Variants in CDH18 observed in about 807,000 individuals in gnomAD.
CDH18 encodes cadherin-18.
CDH18 carries 31 observed loss-of-function variants against 67.9 expected under a neutral mutation model. The ratio of observed to expected loss-of-function variants is 0.46; its 90% confidence interval spans 0.34 to 0.62. CDH18 has a LOEUF of 0.62. Ranked by LOEUF, CDH18 falls within the 20% of genes least tolerant of loss-of-function variation. CDH18 has a pLI of 0.01. For synonymous variants in CDH18, 362 were observed against 347.2 expected (o/e 1.04, Z -0.48); for missense variants, 890 against 975.5 (o/e 0.91, Z 1.17).
intron 2 of CDH18, among the ~76,000 whole-genome samples, chr5:20,210,060 T>G (rs1000071743): frequency 6.6e-6 from 1 of 151,588 alleles, no homozygotes; most frequent in African/African-American, 2.4e-5. Context: ...ATTTGTATTA[T>G]TTTTTAACTT....
intron 3 of CDH18, among the ~76,000 whole-genome samples, chr5:19,796,749 C>T (rs1046770373): frequency 2.6e-5 from 4 of 152,000 alleles, no homozygotes; most frequent in Admixed American, 2.0e-4. Flanking sequence ...ATATCCAAGG[C>T]GATAAGTGAA....
At chr5:20,474,748 G>T (rs925345018) in intron 1 of CDH18, among the ~76,000 whole-genome samples, 1 of 152,180 alleles carries the variant, frequency 6.6e-6, no homozygotes, top group Non-Finnish European at 1.5e-5. Flanking sequence ...ATTTATTGGG[G>T]GTCAGTGTTT....
intron 6 of CDH18, among the ~76,000 whole-genome samples, chr5:19,609,081 C>G (rs1748543096): frequency 2.0e-5 from 3 of 151,726 alleles, no homozygotes; most frequent in Admixed American, 2.0e-4. Context: ...CAACCATAAC[C>G]CAGAATAAAG....
chr5:20,557,976 A>ATGTTAT lies in CDH18; in HGVS notation c.-580+17480_-580+17485dup, dbSNP rs1353123406. Among the ~76,000 whole-genome samples the ATGTTAT allele has an allele frequency of 5.4e-5, 3 of 55,630 alleles. 1 individual carries two copies. The highest frequency in any genetic ancestry group is 1.5e-4 in the Non-Finnish European group (3 of 19,670). The allele number at this position is 55,630 out of a possible 152,430, so 36.5% of individuals were successfully genotyped here. A position where few individuals can be genotyped will look rare whatever the true frequency, so the allele number is the denominator to read the frequency against. ...TAATGTTATAGTTATATAACATTAAATGTTATAGTTATATAACATTAAATG... is the reference window on the plus strand; with the variant it reads ...TAATGTTATAGTTATATAACATTAAATGTTATTGTTATAGTTATATAACATTAAATG... On this transcript the variant is annotated intron_variant, in intron 1 of 14. Coordinates refer to the CDH18 transcript ENST00000507958.
intron 1 of CDH18, among the ~76,000 whole-genome samples, chr5:19,985,879 T>C (rs927581605): frequency 3.3e-5 from 5 of 152,174 alleles, no homozygotes; most frequent in African/African-American, 1.2e-4. Context: ...ATAAGTTCAA[T>C]ATGTTTTATC....
chr5:19,983,647 T>C (rs1423307862), intron 1 of CDH18, among the ~76,000 whole-genome samples: 7 of 152,180 alleles, frequency 4.6e-5, no homozygotes, highest in Admixed American at 3.3e-4. Flanking sequence ...CTTTCTAGTA[T>C]CCACAAAAGC....
At chr5:19,675,722 C>T (rs1452043989) in intron 5 of CDH18, among the ~76,000 whole-genome samples, 1 of 151,990 alleles carries the variant, frequency 6.6e-6, no homozygotes, top group Non-Finnish European at 1.5e-5. Flanking sequence ...CATTCATCCT[C>T]AGCTTACGAA....
intron 1 of CDH18, among the ~76,000 whole-genome samples, chr5:20,513,227 C>T (rs959817383): frequency 5.9e-5 from 9 of 152,084 alleles, no homozygotes; most frequent in African/African-American, 2.2e-4. Context: ...TGTGAAGATT[C>T]CCAGGGCTTA....
chr5:19,829,447 G>T (rs563908678), intron 3 of CDH18, among the ~76,000 whole-genome samples: 1 of 152,066 alleles, frequency 6.6e-6, no homozygotes, highest in Non-Finnish European at 1.5e-5. Context: ...AAACAATAAT[G>T]CAATTTCATT....
chr5:20,218,449 T>G (rs1173300463), intron 2 of CDH18, among the ~76,000 whole-genome samples: 3 of 151,814 alleles, frequency 2.0e-5, no homozygotes, highest in Non-Finnish European at 4.4e-5. Context: ...AGAAGAAAAT[T>G]TAAAAGTATA....
intron 3 of CDH18, among the ~76,000 whole-genome samples, chr5:19,809,177 A>G (rs112831005): frequency 5.5e-4 from 84 of 152,278 alleles, no homozygotes; most frequent in African/African-American, 1.9e-3. Flanking sequence ...AATACAATAC[A>G]AGCAATCTAG....
chr5:20,132,730 A>T (rs2126482399), intron 2 of CDH18, among the ~76,000 whole-genome samples: 1 of 152,130 alleles, frequency 6.6e-6, no homozygotes, highest in Non-Finnish European at 1.5e-5. Context: ...AGTGTAGGTC[A>T]TTCCAGAATA....
chr5:20,252,787 A>G (rs1485633015), intron 2 of CDH18, among the ~76,000 whole-genome samples: 4 of 151,854 alleles, frequency 2.6e-5, no homozygotes, highest in Non-Finnish European at 5.9e-5. Context: ...ATTACAAAAC[A>G]TTAGCCGGGC....
chr5:20,371,087 A>G (rs1742962859), intron 1 of CDH18, among the ~76,000 whole-genome samples: 1 of 152,032 alleles, frequency 6.6e-6, no homozygotes, highest in Admixed American at 6.6e-5. Context: ...ATAGTTGTCA[A>G]CATGAAAGTG....
intron 1 of CDH18, among the ~76,000 whole-genome samples, chr5:20,499,432 AT>A (rs1272213308): frequency 6.6e-6 from 1 of 151,970 alleles, no homozygotes. Flanking sequence ...TTCAAGGTTG[AT>A]TGAATCTGCA....
intron 1 of CDH18, among the ~76,000 whole-genome samples, chr5:20,533,299 C>T (rs1756526346): frequency 1.3e-5 from 2 of 152,050 alleles, no homozygotes; most frequent in South Asian, 4.1e-4. Flanking sequence ...AATTAAAAGA[C>T]AGTACATTTC....
rs551098854 is a variant in CDH18 at position 20,062,508 on chromosome 5, T to C, written c.-517-70494A>G. Among the ~76,000 whole-genome samples, 140 of 152,270 alleles carry C rather than the reference T, an allele frequency of 9.2e-4. 1 individual carries two copies. The highest frequency in any genetic ancestry group is 3.4e-3 in the Middle Eastern group (1 of 294). On this transcript the variant is annotated intron_variant, in intron 2 of 14. Transcript: ENST00000507958. ...CCTTAGAAAACACTCAAAGCAATAG[T>C]ACAGTATTCACCTTCATAGATGATG...
In CDH18 at chr5:19,644,512, A is replaced by C. The variant is rs556329792; in HGVS notation, c.644-31911T>G. Among the ~76,000 whole-genome samples the C allele has an allele frequency of 1.6e-3, 251 of 152,326 alleles. 1 individual carries two copies. The highest frequency in any genetic ancestry group is 5.7e-3 in the African/African-American group (239 of 41,594). On this transcript the variant is annotated intron_variant, in intron 5 of 12. Coordinates refer to ENST00000382275, the MANE Select transcript of CDH18 (RefSeq NM_004934.5). Reference sequence around the variant, plus strand: ...AGCTAGCAAAGCAACAGTGAATGGAATGTAGATAATTCTGGGAACAGTTGT... The same window carrying C: ...AGCTAGCAAAGCAACAGTGAATGGACTGTAGATAATTCTGGGAACAGTTGT...
intron 2 of CDH18, among the ~76,000 whole-genome samples, chr5:19,849,957 T>C (rs1274105930): frequency 6.6e-6 from 1 of 151,710 alleles, no homozygotes; most frequent in Non-Finnish European, 1.5e-5. Context: ...TTGAGTACAG[T>C]TCTGTCTTAG....
Sources: gnomAD v4.1 joint callset for allele counts (sites outside exome capture counted in the v4.1 genomes callset) on GRCh38, gnomAD v4.1.1 for gene constraint, MANE v1.5 for transcripts, NCBI Gene and HGNC (gene_info 2026-07-23, HGNC 2026-07-21) for gene names.